Variants in TTC7A observed in about 807,000 individuals in gnomAD.
TTC7A encodes the protein tetratricopeptide repeat protein 7A.
TTC7A carries 110 observed loss-of-function variants against 103.7 expected under a neutral mutation model. The observed-to-expected ratio is 1.06, with a 90% CI of 0.91 to 1.24. The LOEUF (loss-of-function observed/expected upper bound fraction) is 1.24. TTC7A is among the 50% of genes most tolerant of loss of function. The probability of loss-of-function intolerance (pLI) is 0.00; values close to 1 mark genes in which losing one functional copy is unlikely to be tolerated. For missense variants in TTC7A, 1,340 were observed against 1,116.3 expected (o/e 1.20, Z -2.86); for synonymous variants, 521 against 467.9 (o/e 1.11, Z -1.47).
At chr2:46,987,738 T>C (rs1572825391) in intron 5 of TTC7A, among the ~76,000 whole-genome samples, 1 of 152,168 alleles carries the variant, frequency 6.6e-6, no homozygotes, top group African/African-American at 2.4e-5. Context: ...GGAGTGGCTG[T>C]GTTTTCTAAG....
At chr2:46,967,701 G>A (rs1288638565) in intron 3 of TTC7A, among the ~76,000 whole-genome samples, 2 of 152,096 alleles carry the variant, frequency 1.3e-5, no homozygotes, top group East Asian at 3.9e-4. Context: ...TAACTATTGT[G>A]AATAATGCTG....
chr2:47,003,188 T>TGCAAAG (rs1677018079), intron 8 of TTC7A, among the ~76,000 whole-genome samples: 1 of 152,044 alleles, frequency 6.6e-6, no homozygotes, highest in Non-Finnish European at 1.5e-5. Context: ...TGTCACACCC[T>TGCAAAG]GCAGGTTGAG....
intron 1 of TTC7A, among the ~76,000 whole-genome samples, chr2:46,946,222 G>A (rs1442100865): frequency 1.3e-5 from 2 of 152,128 alleles, no homozygotes; most frequent in Non-Finnish European, 2.9e-5. Context: ...CAGGGCTGCA[G>A]AATCAGCACC....
intron 19 of TTC7A, among the ~76,000 whole-genome samples, chr2:47,069,136 T>C (rs907368037): frequency 2.0e-5 from 3 of 151,702 alleles, no homozygotes; most frequent in Non-Finnish European, 4.4e-5. Context: ...CCAGGATGGG[T>C]AGAGGCCCCT....
chr2:47,063,051 C>T (rs567117579), intron 19 of TTC7A, among the ~76,000 whole-genome samples: 1 of 152,346 alleles, frequency 6.6e-6, no homozygotes, highest in South Asian at 2.1e-4. Flanking sequence ...GCTAAGCGCT[C>T]ATTTTCTAAA....
chr2:46,931,280 C>T (rs1251506255), intron 2 of TTC7A, among the ~76,000 whole-genome samples: 3 of 152,232 alleles, frequency 2.0e-5, no homozygotes, highest in Non-Finnish European at 4.4e-5. Flanking sequence ...TAGACAGGGT[C>T]TGGCTCTATT....
chr2:46,997,808 G>GCT (rs2104407188), intron 8 of TTC7A, among the ~76,000 whole-genome samples: 1 of 152,260 alleles, frequency 6.6e-6, no homozygotes, highest in East Asian at 1.9e-4. Context: ...GTGAAGCTGA[G>GCT]CTCTGTCTTC....
intron 18 of TTC7A, among the ~76,000 whole-genome samples, chr2:47,056,955 A>C (rs1001357398): frequency 1.7e-4 from 26 of 152,170 alleles, no homozygotes; most frequent in African/African-American, 5.5e-4. Context: ...CTCGACAATG[A>C]AAATTCAAGG....
chr2:47,005,992 C>T lies in TTC7A; in HGVS notation c.1136C>T (p.Ala379Val). Residue 379 changes from alanine to valine, a missense_variant, in exon 9 of 20, where the codon GCC becomes GTC. Ala to Val is a moderately conservative substitution (Grantham distance 64, BLOSUM62 0). Transcript: ENST00000319190. ...GACCGGACAGTGAGCTTGCAGAATG[C>T]CGCAGCCATCTATGACCTCCTGAGC... ...EEDRTVSLQN[A>V]AAIYDLLSIT... 2.5e-6 allele frequency: 4 copies of T among 1,613,926 alleles called. No individual in the cohort carries two copies. Among genetic ancestry groups the T allele is most frequent in the Non-Finnish European group, 3.4e-6 (4 of 1,180,000 alleles).
chr2:46,916,024 G>A (rs1451867183), upstream of TTC7A: 6 of 985,294 alleles, frequency 6.1e-6, no homozygotes, highest in African/African-American at 5.2e-5. Flanking sequence ...CAGTTGGGCC[G>A]CTGGACGCCC....
At chr2:46,925,456 G>T (rs1669339522) in intron 2 of TTC7A, among the ~76,000 whole-genome samples, 1 of 152,160 alleles carries the variant, frequency 6.6e-6, no homozygotes. Flanking sequence ...TACTTGGGAG[G>T]CTGAGGCAGG....
chr2:46,945,501 GCCT>G lies in TTC7A; in HGVS notation c.184+3779_184+3781del, dbSNP rs560306354. On this transcript the variant is annotated intron_variant, in intron 1 of 19. Transcript: ENST00000319190. ...TTGACCTCATGTTCCAGCCGCCTCG[GCCT>G]CCCGAAGTGCTGGGATTACGGGCGT... Among the ~76,000 whole-genome samples, 9 of 152,342 alleles carry G rather than the reference GCCT, an allele frequency of 5.9e-5. 1 individual carries two copies. In the South Asian group the frequency reaches 1.9e-3, roughly 32 times the overall value.
chr2:46,967,900 G>A (rs1672997421), intron 3 of TTC7A, among the ~76,000 whole-genome samples: 1 of 152,026 alleles, frequency 6.6e-6, no homozygotes, highest in Non-Finnish European at 1.5e-5. Context: ...TGAATGAATT[G>A]CATTTTTTCG....
At chr2:47,011,040 C>T (rs987074373) in intron 10 of TTC7A, among the ~76,000 whole-genome samples, 3 of 152,242 alleles carry the variant, frequency 2.0e-5, no homozygotes, top group Non-Finnish European at 4.4e-5. Context: ...AATTTCTGTG[C>T]TTGAAATTTG....
chr2:46,945,698 G>A (rs941721090), intron 1 of TTC7A, among the ~76,000 whole-genome samples: 1 of 152,092 alleles, frequency 6.6e-6, no homozygotes, highest in Non-Finnish European at 1.5e-5. Context: ...GTCTTTGAGT[G>A]TCTCTTAATC....
At chr2:47,013,251 A>T (rs548394182) in intron 11 of TTC7A, among the ~76,000 whole-genome samples, 1 of 152,202 alleles carries the variant, frequency 6.6e-6, no homozygotes, top group Non-Finnish European at 1.5e-5. Flanking sequence ...CCCCCACCTC[A>T]TGAGTATCAG....
chr2:46,924,932 T>C (rs1233419488), intron 2 of TTC7A, among the ~76,000 whole-genome samples: 1 of 152,242 alleles, frequency 6.6e-6, no homozygotes, highest in Non-Finnish European at 1.5e-5. Context: ...ACAGCCTTCA[T>C]TGGATATTTT....
intron 2 of TTC7A, among the ~76,000 whole-genome samples, chr2:46,953,803 TTTTC>T (rs534504790): frequency 3.9e-3 from 595 of 151,988 alleles, no homozygotes; most frequent in African/African-American, 0.014. Flanking sequence ...CCCCATTTCT[TTTTC>T]TTTCTTTCTT....
At chr2:47,002,373 G>A (rs1344391934) in intron 8 of TTC7A, among the ~76,000 whole-genome samples, 1 of 152,234 alleles carries the variant, frequency 6.6e-6, no homozygotes, top group African/African-American at 2.4e-5. Flanking sequence ...GAGACGGTGA[G>A]AAGATTTAAT....
Sources: gnomAD v4.1 joint callset for allele counts (sites outside exome capture counted in the v4.1 genomes callset) on GRCh38, gnomAD v4.1.1 for gene constraint, MANE v1.5 for transcripts, NCBI Gene and HGNC (gene_info 2026-07-23, HGNC 2026-07-21) for gene names.